Variants in SUCLG2 observed in about 807,000 individuals in gnomAD.
SUCLG2 encodes the protein succinate-CoA ligase GDP-forming subunit beta.
SUCLG2 carries 42 observed loss-of-function variants against 47.9 expected under a neutral mutation model. The ratio of observed to expected loss-of-function variants is 0.88; its 90% confidence interval spans 0.69 to 1.14. The LOEUF (loss-of-function observed/expected upper bound fraction) is 1.14, where lower values mean the gene tolerates loss of function less well. Among genes scored for constraint, SUCLG2 ranks in the 50% most tolerant of loss-of-function variants. The probability of loss-of-function intolerance (pLI) is 0.00; values close to 1 mark genes in which losing one functional copy is unlikely to be tolerated. For missense variants in SUCLG2, 571 were observed against 525.9 expected (o/e 1.09, Z -0.84); for synonymous variants, 195 against 197.3 (o/e 0.99, Z 0.10).
At chr3:67,488,016 G>C (rs1218559886) in intron 9 of SUCLG2, among the ~76,000 whole-genome samples, 1 of 151,540 alleles carries the variant, frequency 6.6e-6, no homozygotes, top group Admixed American at 6.6e-5. Context: ...ACTGTACTAG[G>C]ACAGGCAAAA....
chr3:67,470,083 C>A (rs963772904), intron 9 of SUCLG2, among the ~76,000 whole-genome samples: 6 of 150,476 alleles, frequency 4.0e-5, no homozygotes, highest in African/African-American at 7.3e-5. Context: ...AAGGAATTAA[C>A]TTTCTCAATT....
At chr3:67,373,707 C>T (rs1701984609), downstream of SUCLG2, among the ~76,000 whole-genome samples, 1 of 152,076 alleles carries the variant, frequency 6.6e-6, no homozygotes, top group Non-Finnish European at 1.5e-5. Flanking sequence ...TCCTTCCTCT[C>T]TCCTTCCTCC....
In SUCLG2 at chr3:67,471,749, G is replaced by A. The variant is rs993005544; in HGVS notation, c.1062+24049C>T. On this transcript the variant is annotated intron_variant, in intron 9 of 10. Transcript: ENST00000307227. ...CCAGGTCCTGAGGGTAGCAGAGAAC[G>A]GACAACATGGCTGGGCTCTGGATCT... Among the ~76,000 whole-genome samples, 8 of 152,246 alleles carry A rather than the reference G, an allele frequency of 5.3e-5. No homozygotes were observed. In the East Asian group the frequency reaches 5.8e-4, roughly 11 times the overall value.
chr3:67,641,889 C>A (rs1219286697), intron 1 of SUCLG2, among the ~76,000 whole-genome samples: 1 of 152,200 alleles, frequency 6.6e-6, no homozygotes, highest in Non-Finnish European at 1.5e-5. Context: ...CAGTGGTTCA[C>A]AGGCAATCTT....
chr3:67,424,050 T>G (rs780358436), intron 9 of SUCLG2, among the ~76,000 whole-genome samples: 10 of 152,234 alleles, frequency 6.6e-5, no homozygotes, highest in Non-Finnish European at 1.2e-4. Context: ...TCTCTGTACT[T>G]GATCTTCAAG....
At chr3:67,540,789 C>A (rs1706682259) in intron 2 of SUCLG2, among the ~76,000 whole-genome samples, 2 of 152,186 alleles carry the variant, frequency 1.3e-5, no homozygotes, top group African/African-American at 4.8e-5. Context: ...ACACCTCATA[C>A]AGGAGAGCTC....
At chr3:67,455,174 CTATATA>C (rs1704154632) in intron 9 of SUCLG2, among the ~76,000 whole-genome samples, 1 of 152,014 alleles carries the variant, frequency 6.6e-6, no homozygotes, top group Non-Finnish European at 1.5e-5. Flanking sequence ...TTTTCTATTT[CTATATA>C]TATTTTAGTC....
intron 5 of SUCLG2, among the ~76,000 whole-genome samples, chr3:67,519,509 T>C (rs1176356923): frequency 1.3e-5 from 2 of 152,242 alleles, no homozygotes; most frequent in African/African-American, 4.8e-5. Context: ...AATTAGCCTA[T>C]GTATGGTAAC....
intron 9 of SUCLG2, among the ~76,000 whole-genome samples, chr3:67,453,287 T>C (rs1376456373): frequency 3.3e-5 from 5 of 152,142 alleles, no homozygotes; most frequent in Non-Finnish European, 5.9e-5. Flanking sequence ...CACCATTAAC[T>C]GGATAGTTTA....
At chr3:67,625,698 T>C (rs1700814020) in intron 1 of SUCLG2, among the ~76,000 whole-genome samples, 2 of 152,138 alleles carry the variant, frequency 1.3e-5, no homozygotes, top group South Asian at 4.1e-4. Flanking sequence ...AGTATACCGA[T>C]GGCCGGGAAA....
At chr3:67,482,946 T>C (rs1421171509) in intron 9 of SUCLG2, among the ~76,000 whole-genome samples, 1 of 152,142 alleles carries the variant, frequency 6.6e-6, no homozygotes, top group Non-Finnish European at 1.5e-5. Context: ...GAAAAAAGGA[T>C]GTGTCCAGAA....
chr3:67,536,288 G>A (rs1252539720), intron 2 of SUCLG2, among the ~76,000 whole-genome samples: 1 of 152,172 alleles, frequency 6.6e-6, no homozygotes, highest in African/African-American at 2.4e-5. Context: ...ATTTAAAGAT[G>A]TTCGTTTCAC....
chr3:67,554,287 C>T (rs1035646995), intron 2 of SUCLG2, among the ~76,000 whole-genome samples: 2 of 152,164 alleles, frequency 1.3e-5, no homozygotes, highest in African/African-American at 4.8e-5. Context: ...AAGGCTAAAG[C>T]TATTACATTT....
chr3:67,381,438 C>T (rs1391026678), intron 10 of SUCLG2, among the ~76,000 whole-genome samples: 1 of 152,180 alleles, frequency 6.6e-6, no homozygotes, highest in Non-Finnish European at 1.5e-5. Context: ...TAGAAATTAT[C>T]ATAGCTGCTT....
At chr3:67,560,266 A>T (rs1707274684) in intron 2 of SUCLG2, among the ~76,000 whole-genome samples, 1 of 152,166 alleles carries the variant, frequency 6.6e-6, no homozygotes, top group Non-Finnish European at 1.5e-5. Flanking sequence ...AGTATCTTTT[A>T]AAAAATGAGA....
At chr3:67,527,167 T>A (rs1385285431) in intron 4 of SUCLG2, among the ~76,000 whole-genome samples, 1 of 152,214 alleles carries the variant, frequency 6.6e-6, no homozygotes, top group Non-Finnish European at 1.5e-5. Flanking sequence ...AAACTCTCCC[T>A]GAAAAGTAAA....
At chr3:67,438,793 T>C (rs1367810958) in intron 9 of SUCLG2, among the ~76,000 whole-genome samples, 1 of 152,088 alleles carries the variant, frequency 6.6e-6, no homozygotes. Context: ...TTCACGGCCA[T>C]ATTCTACCAG....
intron 10 of SUCLG2, among the ~76,000 whole-genome samples, chr3:67,398,576 C>T (rs570075578): frequency 6.6e-6 from 1 of 151,910 alleles, no homozygotes; most frequent in African/African-American, 2.4e-5. Flanking sequence ...GTTGGTGGGA[C>T]TGTAAACTAG....
At chr3:67,432,335 A>G (rs1703506089) in intron 9 of SUCLG2, among the ~76,000 whole-genome samples, 1 of 152,230 alleles carries the variant, frequency 6.6e-6, no homozygotes, top group Non-Finnish European at 1.5e-5. Context: ...GTCTTAGTAA[A>G]TGCTGTATCC....
Sources: gnomAD v4.1 joint callset for allele counts (sites outside exome capture counted in the v4.1 genomes callset) on GRCh38, gnomAD v4.1.1 for gene constraint, MANE v1.5 for transcripts, NCBI Gene and HGNC (gene_info 2026-07-23, HGNC 2026-07-21) for gene names.